Variants in USP43 observed in about 807,000 individuals in gnomAD.
The protein encoded by USP43 is ubiquitin specific peptidase 43.
USP43 carries 33 observed loss-of-function variants against 90.7 expected under a neutral mutation model. The observed-to-expected ratio is 0.36, with a 90% CI of 0.28 to 0.49. The LOEUF (loss-of-function observed/expected upper bound fraction) is 0.49, where lower values mean the gene tolerates loss of function less well. USP43 is among the 20% of genes least tolerant of loss of function. The pLI is 0.98. For missense variants in USP43, 1,274 were observed against 1,476.4 expected, an observed-to-expected ratio of 0.86 and a Z score of 2.25; for synonymous variants, 598 against 615.8, an observed-to-expected ratio of 0.97 and a Z score of 0.43.
intron 3 of USP43, among the ~76,000 whole-genome samples, chr17:9,670,752 T>C (rs1913363199): frequency 1.3e-5 from 2 of 152,134 alleles, no homozygotes; most frequent in Non-Finnish European, 2.9e-5. Flanking sequence ...TGATTGGATA[T>C]TAAGGACCAT....
chr17:9,668,422 T>A (rs1286241091), intron 3 of USP43, among the ~76,000 whole-genome samples: 1 of 152,266 alleles, frequency 6.6e-6, no homozygotes, highest in South Asian at 2.1e-4. Context: ...TCATGTTATA[T>A]TCAATAACCA....
chr17:9,657,161 G>A (rs1337583067), intron 2 of USP43, among the ~76,000 whole-genome samples: 1 of 152,168 alleles, frequency 6.6e-6, no homozygotes, highest in East Asian at 1.9e-4. Flanking sequence ...AAGTGAAAGT[G>A]AATGAAGTTA....
intron 2 of USP43, among the ~76,000 whole-genome samples, chr17:9,666,392 G>A (rs1222341350): frequency 2.0e-5 from 3 of 152,172 alleles, no homozygotes; most frequent in South Asian, 2.1e-4. Context: ...TGGTGAGAAT[G>A]AGCGAGCATC....
chr17:9,681,097 C>T (rs1342032402), intron 6 of USP43, among the ~76,000 whole-genome samples: 1 of 71,202 alleles, frequency 1.4e-5, no homozygotes, highest in Non-Finnish European at 2.5e-5. Context: ...TAATATATGA[C>T]ATATACTATA....
intron 1 of USP43, among the ~76,000 whole-genome samples, chr17:9,649,543 T>G (rs903218614): frequency 3.9e-5 from 6 of 152,026 alleles, no homozygotes; most frequent in African/African-American, 1.2e-4. Context: ...TCCTTCCTTC[T>G]GCGGTTCTCA....
chr17:9,697,364 C>T (rs754203353), intron 9 of USP43, among the ~76,000 whole-genome samples: 20 of 151,030 alleles, frequency 1.3e-4, no homozygotes, highest in South Asian at 4.2e-4. Flanking sequence ...TTCATGGGTA[C>T]GAGTGCAGGT....
chr17:9,676,597 C>A, intron 4 of USP43, 149 bp from the exon 5 acceptor site: 1 of 966,160 alleles, frequency 1.0e-6, no homozygotes, highest in Non-Finnish European at 1.5e-6. Context: ...GTCTCGAACT[C>A]TTGACCGCAG....
Position 9,645,638 on chromosome 17 carries a change from C to T in USP43, c.6C>T (p.Asp2=). The T allele has an allele frequency of 8.2e-7, 1 of 1,226,312 alleles. No homozygotes were observed. The allele number at this position is 1,226,312 out of a possible 1,614,324, so 76.0% of individuals were successfully genotyped here. Residue 2 remains aspartate (D), a synonymous_variant, in exon 1 of 15, where the codon GAC becomes GAT. Coordinates refer to ENST00000285199, the MANE Select transcript of USP43 (RefSeq NM_153210.5). This position sits in a 1 kb window ranked among gnomAD's most constrained non-coding sequence, Gnocchi z 6.8. ...GAGCTGCGCCGGCGGCAGCCATGGA[C>T]CTGGGCCCCGGGGACGCGGCAGGAG... is the stretch of plus-strand genomic sequence containing the variant. M[D]LGPGDAAGGG...
At chr17:9,694,408 A>G (rs932997493) in intron 9 of USP43, among the ~76,000 whole-genome samples, 1 of 152,156 alleles carries the variant, frequency 6.6e-6, no homozygotes, top group African/African-American at 2.4e-5. Flanking sequence ...TCAGTCTTGG[A>G]GATAACCCAA....
intron 14 of USP43, among the ~76,000 whole-genome samples, chr17:9,719,103 G>A (rs1223034859): frequency 6.6e-6 from 1 of 152,072 alleles, no homozygotes; most frequent in Non-Finnish European, 1.5e-5. Flanking sequence ...GCTCCAGCCT[G>A]GGCAACAAGA....
chr17:9,647,977 C>T (rs1167916523), intron 1 of USP43, among the ~76,000 whole-genome samples: 2 of 152,020 alleles, frequency 1.3e-5, no homozygotes, highest in African/African-American at 2.4e-5. Context: ...GCCGAGATTG[C>T]GCCACTGCAC....
At chr17:9,695,628 G>C (rs1398438912) in intron 9 of USP43, among the ~76,000 whole-genome samples, 1 of 151,978 alleles carries the variant, frequency 6.6e-6, no homozygotes, top group Non-Finnish European at 1.5e-5. Flanking sequence ...CCACCACTTA[G>C]GGCCAAAATT....
intron 2 of USP43, among the ~76,000 whole-genome samples, chr17:9,663,459 G>A (rs1354400265): frequency 6.6e-6 from 1 of 151,870 alleles, no homozygotes. Context: ...CACCATGCCT[G>A]GCTAATTTAT....
At chr17:9,682,162 G>A (rs1387482925) in intron 6 of USP43, among the ~76,000 whole-genome samples, 1 of 152,172 alleles carries the variant, frequency 6.6e-6, no homozygotes, top group Non-Finnish European at 1.5e-5. Flanking sequence ...TTCTAAGAGA[G>A]TAGATAAACT....
intron 14 of USP43, among the ~76,000 whole-genome samples, chr17:9,713,617 C>T (rs1916329715): frequency 6.6e-6 from 1 of 152,170 alleles, no homozygotes; most frequent in African/African-American, 2.4e-5. Context: ...AGGAGACTAA[C>T]ATGGTTATAT....
intron 3 of USP43, among the ~76,000 whole-genome samples, chr17:9,672,219 A>G (rs1055923755): frequency 8.5e-5 from 13 of 152,094 alleles, no homozygotes; most frequent in Non-Finnish European, 2.9e-5. Flanking sequence ...TTGGTCTCGA[A>G]CTTCTGACCT....
intron 14 of USP43, among the ~76,000 whole-genome samples, chr17:9,718,320 G>A (rs1916725971): frequency 6.6e-6 from 1 of 152,176 alleles, no homozygotes. Context: ...CACCAGGCAT[G>A]TACCAGACTC....
chr17:9,655,514 A>G (rs1912179789), intron 1 of USP43, among the ~76,000 whole-genome samples: 2 of 152,252 alleles, frequency 1.3e-5, no homozygotes, highest in South Asian at 2.1e-4. Flanking sequence ...TTTGCAATAA[A>G]CTTTTAGAAA....
Position 9,728,084 on chromosome 17 carries a change from G to A in USP43, c.2466G>A (p.Lys822=). The change falls in exon 15 of 15, where the codon AAG becomes AAA. Residue 822 remains lysine, a synonymous_variant. Transcript: ENST00000285199. This position sits in a 1 kb window ranked among gnomAD's most constrained non-coding sequence, Gnocchi z 6.2. ...TMPLRWSFGS[K]EKPPGASVEL... is the part of the protein sequence containing the mutation. ...CTCTGCGGTGGTCCTTTGGATCCAA[G>A]GAGAAACCACCAGGTGCCTCCGTCG... The A allele has an allele frequency of 6.2e-7, 1 of 1,613,892 alleles. No homozygotes were observed. The highest frequency in any genetic ancestry group is 2.2e-5 in the East Asian group (1 of 44,868).
Sources: gnomAD v4.1 joint callset for allele counts (sites outside exome capture counted in the v4.1 genomes callset) on GRCh38, gnomAD v4.1.1 for gene constraint, Gnocchi (gnomAD v3.1) non-coding constraint, MANE v1.5 for transcripts, NCBI Gene and HGNC (gene_info 2026-07-23, HGNC 2026-07-21) for gene names.